INPP4B: variants seen among roughly 807,000 people sequenced by gnomAD.
INPP4B encodes inositol polyphosphate-4-phosphatase type II B.
In INPP4B, 55 loss-of-function variants were observed where a neutral mutation model predicts 122.5. That is an observed-to-expected ratio of 0.45 (90% CI 0.36 to 0.56). The LOEUF (loss-of-function observed/expected upper bound fraction) is 0.56, where lower values mean the gene tolerates loss of function less well. INPP4B is among the 20% of genes least tolerant of loss of function. The pLI is 0.00. For synonymous variants in INPP4B, 403 were observed against 388.7 expected (o/e 1.04, Z -0.43); for missense variants, 1,000 against 1,097.7 (o/e 0.91, Z 1.26).
chr4:142,514,650 C>T (rs1239395818), intron 2 of INPP4B: 1 of 151,990 alleles, frequency 6.6e-6, no homozygotes, highest in Non-Finnish European at 1.5e-5. Context: ...ATTTTCTTAT[C>T]ACAATAATAA....
At chr4:142,790,016 T>C (rs1223080844) in intron 1 of INPP4B, among the ~76,000 whole-genome samples, 2 of 151,920 alleles carry the variant, frequency 1.3e-5, no homozygotes, top group African/African-American at 4.8e-5. Flanking sequence ...GCTGGGATAA[T>C]TGGCTAGCCA....
intron 11 of INPP4B, among the ~76,000 whole-genome samples, chr4:142,247,251 T>G (rs555217968): frequency 9.9e-5 from 15 of 152,258 alleles, no homozygotes; most frequent in African/African-American, 3.6e-4. Flanking sequence ...TGGCCTGAAA[T>G]TTTCTTTTTT....
intron 2 of INPP4B, among the ~76,000 whole-genome samples, chr4:142,549,291 G>A (rs1727404122): frequency 6.6e-6 from 1 of 152,084 alleles, no homozygotes; most frequent in African/African-American, 2.4e-5. Context: ...CTCCCATACT[G>A]TGCACTGTAA....
chr4:142,645,510 A>C (rs1480165089), intron 2 of INPP4B, among the ~76,000 whole-genome samples: 1 of 152,156 alleles, frequency 6.6e-6, no homozygotes, highest in East Asian at 1.9e-4. Flanking sequence ...ATGTGTCTAA[A>C]TTTTGGCCAA....
At chr4:142,465,543 T>G (rs1031969194) in intron 2 of INPP4B, among the ~76,000 whole-genome samples, 1 of 152,186 alleles carries the variant, frequency 6.6e-6, no homozygotes, top group Non-Finnish European at 1.5e-5. Flanking sequence ...TGCAGAATAT[T>G]CCAAAAAAAT....
At chr4:142,470,208 T>G (rs529623627) in intron 2 of INPP4B, among the ~76,000 whole-genome samples, 1 of 152,076 alleles carries the variant, frequency 6.6e-6, no homozygotes, top group South Asian at 2.1e-4. Context: ...AGATATAAAA[T>G]TATTTGCAAC....
chr4:142,806,675 C>T (rs1235104244), intron 1 of INPP4B, among the ~76,000 whole-genome samples: 2 of 150,774 alleles, frequency 1.3e-5, no homozygotes, highest in African/African-American at 4.9e-5. Context: ...GCCTGGGAGT[C>T]GGAGGTTGCA....
At chr4:142,117,622 A>AT (rs1794301429) in intron 21 of INPP4B, among the ~76,000 whole-genome samples, 1 of 152,118 alleles carries the variant, frequency 6.6e-6, no homozygotes, top group South Asian at 2.1e-4. Context: ...GCCTTTCATG[A>AT]TAAAAACTCT....
At chr4:142,737,507 C>A (rs1378273924) in intron 1 of INPP4B, among the ~76,000 whole-genome samples, 1 of 152,042 alleles carries the variant, frequency 6.6e-6, no homozygotes, top group African/African-American at 2.4e-5. Context: ...ACCATAAAAA[C>A]CCTAGAAGAA....
At chr4:142,842,543 ATATC>A (rs1372983565) in intron 1 of INPP4B, among the ~76,000 whole-genome samples, 15 of 142,582 alleles carry the variant, frequency 1.1e-4, no homozygotes, top group African/African-American at 3.8e-4. Context: ...AATATATACA[ATATC>A]TATTATATAT....
chr4:142,065,283 T>C (rs1047735158), intron 25 of INPP4B, among the ~76,000 whole-genome samples: 10 of 151,414 alleles, frequency 6.6e-5, no homozygotes, highest in Non-Finnish European at 1.5e-4. Flanking sequence ...TGAAAGCCTA[T>C]TAAAGAATGC....
At chr4:142,354,291 G>A (rs1370950419) in intron 7 of INPP4B, among the ~76,000 whole-genome samples, 2 of 151,948 alleles carry the variant, frequency 1.3e-5, no homozygotes, top group Admixed American at 6.6e-5. Flanking sequence ...TAGAAGCACA[G>A]ATCATCTTCC....
At chr4:142,387,864 T>C (rs1796456950) in intron 7 of INPP4B, among the ~76,000 whole-genome samples, 1 of 152,174 alleles carries the variant, frequency 6.6e-6, no homozygotes, top group East Asian at 1.9e-4. Context: ...CTGTTCAAGA[T>C]GGCCCAGCAA....
chr4:142,791,793 A>C (rs1580927492), intron 1 of INPP4B, among the ~76,000 whole-genome samples: 1 of 152,034 alleles, frequency 6.6e-6, no homozygotes, highest in African/African-American at 2.4e-5. Context: ...CCTGACACCC[A>C]GGCTCTGCTA....
intron 2 of INPP4B, among the ~76,000 whole-genome samples, chr4:142,542,778 C>T (rs1425519): frequency 0.26 from 40,054 of 151,938 alleles, 6,481 homozygotes; most frequent in East Asian, 0.8. Flanking sequence ...TTTTGTCAAA[C>T]CAATAACTAG....
chr4:142,662,909 C>T (rs1397853785), intron 2 of INPP4B, among the ~76,000 whole-genome samples: 3 of 152,132 alleles, frequency 2.0e-5, no homozygotes. Context: ...TCTTAAAATA[C>T]ATGGGCTGGT....
chr4:142,541,632 T>G (rs1828952935), intron 2 of INPP4B, among the ~76,000 whole-genome samples: 2 of 152,234 alleles, frequency 1.3e-5, no homozygotes, highest in Admixed American at 6.5e-5. Flanking sequence ...TGTATTTTTC[T>G]TCTTTGCCAG....
chr4:142,441,441 A>C (rs1811703214), intron 3 of INPP4B, among the ~76,000 whole-genome samples: 1 of 152,178 alleles, frequency 6.6e-6, no homozygotes, highest in Non-Finnish European at 1.5e-5. Context: ...AGAGAATAAA[A>C]GGAATTTTAG....
At position 142,429,189 on chromosome 4, in the gene INPP4B, C is replaced by T; in HGVS notation, c.120G>A (p.Gln40=). ...ATTTCTTACCAAGGATGAATTCCAA[C>T]TGCGGTTCATTTGGAGTCTTCTGGA... The part of the protein sequence containing the change: ...TSIQKTPNEP[Q]LEFILACKDL... Residue 40 remains glutamine, a synonymous_variant, in exon 5 of 26, where the codon CAG becomes CAA. Transcript: ENST00000262992. 1 of 1,568,050 alleles carries T rather than the reference C, an allele frequency of 6.4e-7. No homozygotes were observed. The highest frequency in any genetic ancestry group is 1.4e-5 in the African/African-American group (1 of 73,726).
Sources: allele counts gnomAD v4.1 joint callset (sites outside exome capture counted in the v4.1 genomes callset), GRCh38; gene constraint gnomAD v4.1.1; transcripts MANE v1.5; gene names NCBI Gene and HGNC (gene_info 2026-07-23, HGNC 2026-07-21).